CDC42BPA: variants seen among roughly 807,000 people sequenced by gnomAD.
CDC42BPA encodes the protein serine/threonine-protein kinase MRCK alpha.
CDC42BPA carries 80 observed loss-of-function variants against 223.5 expected under a neutral mutation model. The ratio of observed to expected loss-of-function variants is 0.36; its 90% CI spans 0.30 to 0.43. The LOEUF (loss-of-function observed/expected upper bound fraction) is 0.43. Ranked by LOEUF, CDC42BPA falls within the 20% of genes least tolerant of loss-of-function variation. The probability of loss-of-function intolerance (pLI) is 1.00; values close to 1 mark genes in which losing one functional copy is unlikely to be tolerated. For synonymous variants in CDC42BPA, 694 were observed against 718.6 expected, an observed-to-expected ratio of 0.97 and a Z score of 0.55; for missense variants, 1,743 against 2,099.9, an observed-to-expected ratio of 0.83 and a Z score of 3.32.
intron 5 of CDC42BPA, among the ~76,000 whole-genome samples, chr1:227,178,990 C>A (rs61522132): frequency 0.16 from 24,446 of 152,150 alleles, 2,478 homozygotes; most frequent in African/African-American, 0.28. Flanking sequence ...ACCAGGCAGT[C>A]TACCTGGTTG....
rs530777255 is a variant in CDC42BPA at position 227,167,472 on chromosome 1, T to C, written c.600-6836A>G. ...ACACTGCTGGTTATTCTCCCAACTA[T>C]ACCACTTTCTTCTCTATTTTTTCTC... is the stretch of plus-strand genomic sequence containing the variant. On this transcript the variant is annotated intron_variant, in intron 5 of 36. Transcript: ENST00000366766. Among the ~76,000 whole-genome samples the C allele has an allele frequency of 7.2e-5, 11 of 152,346 alleles. No individual in the cohort carries two copies. In the East Asian group the frequency reaches 1.7e-3, roughly 24 times the overall value.
At chr1:227,066,733 A>C (rs925572781) in intron 21 of CDC42BPA, among the ~76,000 whole-genome samples, 25 of 152,194 alleles carry the variant, frequency 1.6e-4, no homozygotes, top group African/African-American at 5.3e-4. Context: ...AGAATACAGA[A>C]AGGGAGGGAA....
intron 1 of CDC42BPA, among the ~76,000 whole-genome samples, chr1:227,283,327 T>C (rs915541468): frequency 6.6e-6 from 1 of 152,062 alleles, no homozygotes; most frequent in African/African-American, 2.4e-5. Flanking sequence ...ACGAGAGAAA[T>C]ATAAATGAGT....
At chr1:227,268,247 G>A (rs543893231) in intron 1 of CDC42BPA, among the ~76,000 whole-genome samples, 8 of 152,124 alleles carry the variant, frequency 5.3e-5, no homozygotes, top group South Asian at 4.2e-4. Context: ...TATTGTTTTC[G>A]TTTGCTTTCA....
Position 227,034,749 on chromosome 1 carries a change from C to G in CDC42BPA, c.3382G>C (p.Ala1128Pro). The G allele has an allele frequency of 6.2e-7, 1 of 1,613,630 alleles. No individual in the cohort carries two copies. The highest frequency in any genetic ancestry group is 8.5e-7 in the Non-Finnish European group (1 of 1,179,676). Residue 1128 changes from alanine (A) to proline (P), a missense_variant, in exon 26 of 37, where the codon GCT (alanine) becomes CCT (proline). Physicochemically the swap from Ala to Pro is conservative, Grantham distance 27. Transcript: ENST00000366766. ...AAGAGTTTGAAGTCACACACTATAG[C>G]CAGTGCTCTCTGCCACCCTTTCTTC... ...GVKKGWQRAL[A>P]IVCDFKLFLY...
intron 1 of CDC42BPA, among the ~76,000 whole-genome samples, chr1:227,257,398 T>C (rs995979933): frequency 6.8e-6 from 1 of 147,468 alleles, no homozygotes; most frequent in African/African-American, 2.7e-5. Flanking sequence ...AACCACTGAA[T>C]TGTATACTTC....
intron 23 of CDC42BPA, among the ~76,000 whole-genome samples, chr1:227,042,587 C>A (rs1020642763): frequency 2.0e-5 from 3 of 151,990 alleles, no homozygotes; most frequent in African/African-American, 7.3e-5. Flanking sequence ...TTAGGTAATA[C>A]ACAATAGGAT....
intron 21 of CDC42BPA, among the ~76,000 whole-genome samples, chr1:227,063,483 T>C (rs998108929): frequency 6.6e-6 from 1 of 152,118 alleles, no homozygotes; most frequent in Admixed American, 6.5e-5. Flanking sequence ...TATGTAATCA[T>C]GGTTCTTTCT....
At chr1:227,223,922 T>C (rs951175832) in intron 2 of CDC42BPA, among the ~76,000 whole-genome samples, 1 of 152,200 alleles carries the variant, frequency 6.6e-6, no homozygotes, top group Middle Eastern at 3.2e-3. Flanking sequence ...TGTGCCCCAC[T>C]GTAGGCTAAT....
At chr1:227,001,396 T>C (rs575510261) in intron 35 of CDC42BPA, among the ~76,000 whole-genome samples, 1 of 152,322 alleles carries the variant, frequency 6.6e-6, no homozygotes, top group African/African-American at 2.4e-5. Flanking sequence ...TTAAGGGCCT[T>C]GACAAGAACG....
Position 227,080,836 on chromosome 1 carries a change from C to T in CDC42BPA, c.2480+57G>A, listed in dbSNP as rs140743861. The T allele has an allele frequency of 3.5e-4, 559 of 1,597,442 alleles. 2 individuals carry two copies. The African/African-American group carries it at 6.6e-3, about 19-fold the overall frequency. The stretch of plus-strand genomic sequence containing the variant: ...TATTAGTAGCCACCTGGAATTCATA[C>T]CAACTTGGCCACATACTCACAATCA... On this transcript the variant is annotated intron_variant, in intron 17 of 36. Transcript: ENST00000366766.
chr1:227,174,538 C>G (rs964336569), intron 5 of CDC42BPA, among the ~76,000 whole-genome samples: 1 of 152,084 alleles, frequency 6.6e-6, no homozygotes, highest in East Asian at 1.9e-4. Context: ...GTATTTCCCC[C>G]CCAACAAATT....
intron 2 of CDC42BPA, among the ~76,000 whole-genome samples, chr1:227,244,884 C>T (rs1341798614): frequency 2.0e-5 from 3 of 152,190 alleles, no homozygotes; most frequent in South Asian, 2.1e-4. Flanking sequence ...GGAGGGAAAG[C>T]GCAGAGACTC....
Position 227,009,273 on chromosome 1 carries a change from A to G in CDC42BPA, c.4858-4162T>C, listed in dbSNP as rs73087677. The stretch of plus-strand genomic sequence containing the variant: ...AAATAAACTTCATTATAAAGTGACA[A>G]GTAACCTAAGCCTCTGGTCCTTTCA... On this transcript the variant is annotated intron_variant, in intron 34 of 36. Coordinates refer to ENST00000366766, the MANE Select transcript of CDC42BPA (RefSeq NM_001394014.1). 4.8e-3 allele frequency among the ~76,000 whole-genome samples: 733 copies of G among 152,334 alleles called. 8 individuals are homozygous for G. Among genetic ancestry groups the G allele is most frequent in the African/African-American group, 0.017 (689 of 41,572 alleles).
intron 16 of CDC42BPA, among the ~76,000 whole-genome samples, chr1:227,089,345 T>G (rs1023640674): frequency 1.3e-5 from 2 of 152,152 alleles, no homozygotes; most frequent in Admixed American, 6.6e-5. Context: ...AAAGTGAAGA[T>G]GTACAGTGAA....
chr1:227,102,465 C>T (rs1685209080), intron 14 of CDC42BPA, among the ~76,000 whole-genome samples: 2 of 152,106 alleles, frequency 1.3e-5, no homozygotes, highest in Non-Finnish European at 2.9e-5. Flanking sequence ...GTGGCACTTA[C>T]CACTGACCCG....
chr1:227,078,264 C>T (rs892182708), intron 17 of CDC42BPA, among the ~76,000 whole-genome samples: 4 of 152,134 alleles, frequency 2.6e-5, no homozygotes, highest in African/African-American at 9.6e-5. Context: ...CTCAACACTA[C>T]ATTCTTATTT....
At chr1:227,253,650 T>TCATA (rs1682552888) in intron 2 of CDC42BPA, among the ~76,000 whole-genome samples, 2 of 94,566 alleles carry the variant, frequency 2.1e-5, no homozygotes, top group Non-Finnish European at 2.3e-5. Context: ...ATACATACAT[T>TCATA]CATACATAAA....
chr1:227,278,552 T>C (rs991906765), intron 1 of CDC42BPA, among the ~76,000 whole-genome samples: 1 of 152,208 alleles, frequency 6.6e-6, no homozygotes, highest in African/African-American at 2.4e-5. Flanking sequence ...TTGCATGGGA[T>C]CAAGTTATTG....
Sources: gnomAD v4.1 joint callset for allele counts (sites outside exome capture counted in the v4.1 genomes callset) on GRCh38, gnomAD v4.1.1 for gene constraint, MANE v1.5 for transcripts, NCBI Gene and HGNC (gene_info 2026-07-23, HGNC 2026-07-21) for gene names.